Variants in PRDM4 observed in about 807,000 individuals in gnomAD.
PRDM4 encodes PR/SET domain 4, also known as PR domain zinc finger protein 4.
A neutral mutation model predicts 62.3 loss-of-function variants in PRDM4; 38 were observed. That is an observed-to-expected ratio of 0.61 (90% CI 0.47 to 0.80). The LOEUF (loss-of-function observed/expected upper bound fraction) is 0.80. PRDM4 is among the 30% of genes least tolerant of loss of function. The pLI, the probability that PRDM4 is intolerant of heterozygous loss-of-function variation, is 0.00. For missense variants in PRDM4, 858 were observed against 997.1 expected, an observed-to-expected ratio of 0.86 and a Z score of 1.88; for synonymous variants, 339 against 348.2, an observed-to-expected ratio of 0.97 and a Z score of 0.30.
rs369165644 is a variant in PRDM4, at chr12:107,760,511, T to C, written c.5A>G (p.His2Arg). The change falls in exon 2 of 12, where the codon CAT becomes CGT. Residue 2 changes from histidine (H) to arginine (R), a missense_variant. His to Arg is a conservative substitution (Grantham distance 29). Transcript: ENST00000228437. M[H>R]HRMNEMNLSP... ...AGCCCACCTCCCTACTCACCTGTGA[T>C]GCATCGGCTTGGGGCCAAATATCAG... 1.2e-4 allele frequency: 190 copies of C among 1,613,396 alleles called. No homozygotes were observed. Among genetic ancestry groups the C allele is most frequent in the Non-Finnish European group, 1.4e-4 (169 of 1,179,740 alleles).
chr12:107,735,889 T>C (rs1179602591), intron 11 of PRDM4, among the ~76,000 whole-genome samples: 1 of 152,040 alleles, frequency 6.6e-6, no homozygotes, highest in African/African-American at 2.4e-5. Context: ...GAAGCCTGGC[T>C]TCCTTAGCAT....
At position 107,756,285 on chromosome 12, in the gene PRDM4, A is replaced by AT. The variant is rs201954337; in HGVS notation, c.145+546dup. ...AAAAAAAAAAGGATAGGAAGAATGA[A>AT]TTTTTCCTATACGATTTTGCTGTGT... On this transcript the variant is annotated intron_variant, in intron 3 of 11. Coordinates refer to ENST00000228437, the MANE Select transcript of PRDM4 (RefSeq NM_012406.4). Among the ~76,000 whole-genome samples the AT allele has an allele frequency of 5.5e-3, 835 of 152,124 alleles. 8 individuals carry two copies. Among genetic ancestry groups the AT allele is most frequent in the African/African-American group, 0.018 (767 of 41,486 alleles).
Position 107,744,555 on chromosome 12 carries a change from G to C in PRDM4, c.1383C>G (p.Asn461Lys). 1 of 1,613,506 alleles carries C rather than the reference G, an allele frequency of 6.2e-7. No individual in the cohort carries two copies. Among genetic ancestry groups the C allele is most frequent in the Non-Finnish European group, 8.5e-7 (1 of 1,179,540 alleles). Residue 461 changes from asparagine (N) to lysine (K), a missense_variant, in exon 7 of 12, where the codon AAC (asparagine) becomes AAG (lysine). By Grantham distance (94) the Asn-to-Lys change is moderately conservative. Transcript: ENST00000228437. ...CATCAGGACTGACCTTCCAGATATGGTTAACTGCCTTGTCTGTCCATTCTG... is the reference window on the plus strand; with the variant it reads ...CATCAGGACTGACCTTCCAGATATGCTTAACTGCCTTGTCTGTCCATTCTG... ...EVAEWTDKAVNHIWKIYHNGV... is the reference protein window; with the variant it reads ...EVAEWTDKAVKHIWKIYHNGV...
rs530358383 is a variant in PRDM4 at position 107,733,183 on chromosome 12, G to T, written c.*1027C>A. ...CTTCTTTACCTTCCAAAAATCCTTT[G>T]GCATCTTCCATGCTTCTCTGATGAG... On this transcript the variant is annotated 3_prime_UTR_variant, in exon 12 of 12. Coordinates refer to ENST00000228437, the MANE Select transcript of PRDM4 (RefSeq NM_012406.4). 2.9e-4 allele frequency: 44 copies of T among 152,302 alleles called. 1 individual carries two copies. Among genetic ancestry groups the T allele is most frequent in the African/African-American group, 9.9e-4 (41 of 41,558 alleles). The allele number at this position is 152,302 out of a possible 1,614,324, so 9.4% of individuals were successfully genotyped here. A position where few individuals can be genotyped will look rare whatever the true frequency, so the allele number is the denominator to read the frequency against.
At chr12:107,735,517 T>C (rs1566090692) in intron 11 of PRDM4, among the ~76,000 whole-genome samples, 1 of 152,058 alleles carries the variant, frequency 6.6e-6, no homozygotes, top group Non-Finnish European at 1.5e-5. Flanking sequence ...ACTGCCTCTA[T>C]GGGGACATTT....
intron 3 of PRDM4, among the ~76,000 whole-genome samples, chr12:107,756,373 A>G (rs1891067181): frequency 6.6e-6 from 1 of 152,222 alleles, no homozygotes; most frequent in South Asian, 2.1e-4. Context: ...TTCTTTCCAC[A>G]TTAATTCTAG....
At chr12:107,751,281 A>G in intron 5 of PRDM4, 134 bp downstream of exon 5, 1 of 878,370 alleles carries the variant, frequency 1.1e-6, no homozygotes, top group East Asian at 2.7e-5. Context: ...AAAGGACAAT[A>G]CCAAGGCAAA....
intron 5 of PRDM4, among the ~76,000 whole-genome samples, chr12:107,748,673 G>A (rs375306411): frequency 6.6e-6 from 1 of 152,212 alleles, no homozygotes; most frequent in Non-Finnish European, 1.5e-5. Context: ...CTGAGAATAC[G>A]CGGAAGGAGG....
chr12:107,751,313 G>T, intron 5 of PRDM4, 102 bp downstream of exon 5: 1 of 1,212,788 alleles, frequency 8.2e-7, no homozygotes, highest in Non-Finnish European at 1.1e-6. Flanking sequence ...AGGTCTAGTT[G>T]CTTTCTATAC....
chr12:107,746,087 T>C (rs116051245), intron 6 of PRDM4, among the ~76,000 whole-genome samples, 188 bp downstream of exon 6: 353 of 152,370 alleles, frequency 2.3e-3, no homozygotes, highest in African/African-American at 7.9e-3. Flanking sequence ...GATTTCCCAA[T>C]AAAGTTTTTG....
At chr12:107,751,282 C>T in intron 5 of PRDM4, 133 bp downstream of exon 5, 1 of 891,916 alleles carries the variant, frequency 1.1e-6, no homozygotes, top group Non-Finnish European at 1.7e-6. Context: ...AAGGACAATA[C>T]CAAGGCAAAG....
intron 1 of PRDM4, 88 bp from the exon 2 acceptor site, chr12:107,760,859 G>A (rs1891223931): frequency 5.6e-6 from 1 of 177,606 alleles, no homozygotes; most frequent in Non-Finnish European, 1.2e-5. Context: ...AGGCGCTGCC[G>A]ACACCGCCAC....
chr12:107,738,745 T>C (rs752226206), intron 11 of PRDM4, among the ~76,000 whole-genome samples: 5 of 152,206 alleles, frequency 3.3e-5, no homozygotes, highest in African/African-American at 4.8e-5. Context: ...AGAATGGGTA[T>C]GTCACTATGA....
At chr12:107,742,949 A>G (rs1372264592) in intron 8 of PRDM4, among the ~76,000 whole-genome samples, 1 of 151,912 alleles carries the variant, frequency 6.6e-6, no homozygotes, top group East Asian at 1.9e-4. Flanking sequence ...AACTTTTTTT[A>G]GAGATGAGGG....
chr12:107,760,363 A>C, intron 2 of PRDM4, 142 bp downstream of exon 2: 1 of 1,052,794 alleles, frequency 9.5e-7, no homozygotes, highest in Non-Finnish European at 1.4e-6. Flanking sequence ...TCCACCCAAC[A>C]CTAGTTTCTG....
chr12:107,747,094 G>C (rs1203289923), intron 5 of PRDM4, among the ~76,000 whole-genome samples: 3 of 151,824 alleles, frequency 2.0e-5, no homozygotes, highest in African/African-American at 7.3e-5. Flanking sequence ...CCAGCCTGGG[G>C]TAACACAGTG....
chr12:107,753,340 T>C (rs1324426103), intron 4 of PRDM4, among the ~76,000 whole-genome samples: 1 of 146,830 alleles, frequency 6.8e-6, no homozygotes, highest in Non-Finnish European at 1.5e-5. Context: ...CAGTCCAGCC[T>C]GGGCAAAATA....
chr12:107,754,602 C>T (rs1334033593), intron 3 of PRDM4, among the ~76,000 whole-genome samples: 4 of 152,060 alleles, frequency 2.6e-5, no homozygotes, highest in African/African-American at 7.2e-5. Context: ...AGGCTGGTCT[C>T]GAACTCCTGG....
intron 2 of PRDM4, 36 bp downstream of exon 2, chr12:107,760,469 G>C (rs1351828494): frequency 1.7e-5 from 27 of 1,611,800 alleles, no homozygotes; most frequent in Non-Finnish European, 2.3e-5. Context: ...AGTTTCCAAC[G>C]ATGTCACCAG....
Sources: gnomAD v4.1 joint callset for allele counts (sites outside exome capture counted in the v4.1 genomes callset) on GRCh38, gnomAD v4.1.1 for gene constraint, MANE v1.5 for transcripts, NCBI Gene and HGNC (gene_info 2026-07-23, HGNC 2026-07-21) for gene names.